The following ZMAT4 variants were observed in gnomAD, a reference collection of about 807,000 sequenced individuals.
The protein encoded by ZMAT4 is zinc finger matrin-type protein 4.
Under a neutral mutation model 28.7 loss-of-function variants are expected in ZMAT4, and 17 were observed. The ratio of observed to expected loss-of-function variants is 0.59; its 90% CI spans 0.41 to 0.89. The LOEUF (loss-of-function observed/expected upper bound fraction) is 0.89, where lower values mean the gene tolerates loss of function less well. Among genes scored for constraint, ZMAT4 ranks in the 40% least tolerant of loss-of-function variants. The pLI, the probability that ZMAT4 is intolerant of heterozygous loss-of-function variation, is 0.00. For missense variants in ZMAT4, 240 were observed against 283.8 expected (o/e 0.85, Z 1.11); for synonymous variants, 117 against 109.2 (o/e 1.07, Z -0.44).
At chr8:40,803,897 A>T (rs1814964053) in intron 2 of ZMAT4, among the ~76,000 whole-genome samples, 1 of 152,202 alleles carries the variant, frequency 6.6e-6, no homozygotes, top group African/African-American at 2.4e-5. Context: ...TTCATCACTA[A>T]AAAGAAATGA....
Position 40,882,352 on chromosome 8 carries a change from T to C in ZMAT4, c.-5+15331A>G, listed in dbSNP as rs191843823. ...CAGAGTTTCCTTTCCAGGATTTATT[T>C]TTCTGAAGGTGCTACCCTGGCAACG... On this transcript the variant is annotated intron_variant, in intron 1 of 6. Coordinates refer to ENST00000297737, the MANE Select transcript of ZMAT4 (RefSeq NM_024645.3). Among the ~76,000 whole-genome samples the C allele has an allele frequency of 2.6e-5, 4 of 152,336 alleles. No individual in the cohort carries two copies. The East Asian group carries it at 7.7e-4, about 29-fold the overall frequency.
chr8:40,677,914 C>T (rs553268376), intron 4 of ZMAT4, among the ~76,000 whole-genome samples: 3 of 152,190 alleles, frequency 2.0e-5, no homozygotes, highest in African/African-American at 4.8e-5. Flanking sequence ...GTCAATTAAT[C>T]GAAACCAGTA....
Position 40,658,091 on chromosome 8 carries a change from C to T in ZMAT4, c.577+16613G>A, listed in dbSNP as rs1026296902. Among the ~76,000 whole-genome samples, 9 of 152,258 alleles carry T rather than the reference C, an allele frequency of 5.9e-5. No individual in the cohort carries two copies. In the East Asian group the frequency reaches 1.7e-3, roughly 29 times the overall value. The stretch of plus-strand genomic sequence containing the variant: ...TTTTCACTTTGAATATTTTATTTTT[C>T]AGATTCTCTTGGCTCTTTTTGTTTC... On this transcript the variant is annotated intron_variant, in intron 5 of 6. Transcript: ENST00000297737.
chr8:40,536,371 G>C (rs1242131371), intron 6 of ZMAT4, among the ~76,000 whole-genome samples: 1 of 152,146 alleles, frequency 6.6e-6, no homozygotes, highest in Non-Finnish European at 1.5e-5. Context: ...TTTTCTATCT[G>C]GGATGTTTGC....
intron 4 of ZMAT4, among the ~76,000 whole-genome samples, chr8:40,685,651 T>C (rs1042059156): frequency 3.3e-5 from 5 of 152,244 alleles, no homozygotes; most frequent in Admixed American, 1.3e-4. Context: ...AGTGAGGATG[T>C]AGCTGCTTTA....
intron 1 of ZMAT4, among the ~76,000 whole-genome samples, chr8:40,834,192 C>T (rs1434225533): frequency 6.6e-6 from 1 of 152,232 alleles, no homozygotes; most frequent in East Asian, 1.9e-4. Flanking sequence ...TCACATGGCA[C>T]AGGCTGGCCT....
intron 1 of ZMAT4, among the ~76,000 whole-genome samples, chr8:40,831,347 G>T (rs752043099): frequency 6.6e-6 from 1 of 152,146 alleles, no homozygotes; most frequent in Non-Finnish European, 1.5e-5. Context: ...TTACCCTCTC[G>T]TCCTCCCACA....
intron 2 of ZMAT4, among the ~76,000 whole-genome samples, chr8:40,772,765 A>G (rs1310263161): frequency 6.6e-6 from 1 of 152,244 alleles, no homozygotes; most frequent in African/African-American, 2.4e-5. Flanking sequence ...GAAACCAGCT[A>G]AAATAAGCCG....
At chr8:40,619,573 C>A (rs140665873) in intron 5 of ZMAT4, among the ~76,000 whole-genome samples, 115 of 152,220 alleles carry the variant, frequency 7.6e-4, no homozygotes, top group African/African-American at 2.6e-3. Context: ...CAGAGAGCAG[C>A]GGCAGAACCT....
chr8:40,567,600 G>C (rs1392640919), intron 6 of ZMAT4, among the ~76,000 whole-genome samples: 1 of 151,772 alleles, frequency 6.6e-6, no homozygotes, highest in South Asian at 2.1e-4. Flanking sequence ...TCCAGAGGCT[G>C]AGGCAGGGGA....
intron 2 of ZMAT4, among the ~76,000 whole-genome samples, chr8:40,778,449 T>A (rs1813694319): frequency 6.6e-6 from 1 of 152,126 alleles, no homozygotes; most frequent in Non-Finnish European, 1.5e-5. Flanking sequence ...GCACAGAAAA[T>A]TACTCAGTGG....
chr8:40,557,610 A>G (rs1487863067), intron 6 of ZMAT4, among the ~76,000 whole-genome samples: 1 of 152,188 alleles, frequency 6.6e-6, no homozygotes, highest in Non-Finnish European at 1.5e-5. Flanking sequence ...TGAGGTTGGT[A>G]GCCCCTCTTT....
intron 5 of ZMAT4, among the ~76,000 whole-genome samples, chr8:40,647,761 C>A (rs1481602282): frequency 6.6e-6 from 1 of 152,170 alleles, no homozygotes; most frequent in Non-Finnish European, 1.5e-5. Context: ...CAAGTGGGAC[C>A]CTGACCCCTG....
chr8:40,804,577 A>T (rs1814994544), intron 2 of ZMAT4, among the ~76,000 whole-genome samples: 2 of 152,078 alleles, frequency 1.3e-5, no homozygotes, highest in Non-Finnish European at 2.9e-5. Context: ...GCGGTGGCTT[A>T]CTCCTGTAAT....
At chr8:40,613,473 C>A (rs1260695917) in intron 5 of ZMAT4, among the ~76,000 whole-genome samples, 2 of 152,114 alleles carry the variant, frequency 1.3e-5, no homozygotes, top group Non-Finnish European at 2.9e-5. Flanking sequence ...CGTGAGCCAC[C>A]TTGCCCAGCC....
At chr8:40,557,624 AT>A (rs1803589925) in intron 6 of ZMAT4, among the ~76,000 whole-genome samples, 1 of 152,108 alleles carries the variant, frequency 6.6e-6, no homozygotes, top group Non-Finnish European at 1.5e-5. Flanking sequence ...CCTCTTTTAT[AT>A]TCCCATAGCA....
intron 4 of ZMAT4, among the ~76,000 whole-genome samples, chr8:40,681,753 C>A (rs959092185): frequency 6.6e-5 from 10 of 152,124 alleles, no homozygotes; most frequent in Non-Finnish European, 1.0e-4. Flanking sequence ...AATATTATAG[C>A]TAAACATTAA....
At chr8:40,586,243 G>T (rs1157350171) in intron 5 of ZMAT4, among the ~76,000 whole-genome samples, 8 of 152,212 alleles carry the variant, frequency 5.3e-5, no homozygotes, top group African/African-American at 1.9e-4. Flanking sequence ...TTTCCTTAGA[G>T]AACCAGAACA....
At chr8:40,780,089 G>C (rs1465064524) in intron 2 of ZMAT4, among the ~76,000 whole-genome samples, 1 of 151,414 alleles carries the variant, frequency 6.6e-6, no homozygotes, top group East Asian at 1.9e-4. Flanking sequence ...TTAGCTATCC[G>C]AACACCCTAC....
Sources: gnomAD v4.1 joint callset for allele counts (sites outside exome capture counted in the v4.1 genomes callset) on GRCh38, gnomAD v4.1.1 for gene constraint, MANE v1.5 for transcripts, NCBI Gene and HGNC (gene_info 2026-07-23, HGNC 2026-07-21) for gene names.